Variants in PPIP5K1 observed in about 807,000 individuals in gnomAD.
PPIP5K1 encodes inositol hexakisphosphate and diphosphoinositol-pentakisphosphate kinase 1.
PPIP5K1 carries 6 observed loss-of-function variants against 27.7 expected under a neutral mutation model. That is an observed-to-expected ratio of 0.22 (90% CI 0.12 to 0.43). The LOEUF (loss-of-function observed/expected upper bound fraction) is 0.43, where lower values mean the gene tolerates loss of function less well. Among genes scored for constraint, PPIP5K1 ranks in the 20% least tolerant of loss-of-function variants. The pLI is 1.00. For missense variants in PPIP5K1, 394 were observed against 635.4 expected (o/e 0.62, Z 4.08); for synonymous variants, 145 against 242.6 (o/e 0.60, Z 3.74).
Position 43,539,590 on chromosome 15 carries a change from A to G in PPIP5K1, c.3557-7T>C. ...TGCATGGAATCAAAGAGGGCTGGAA[A>G]GGAGGTAGGGTGAAGGGAGAGGGAA... is the stretch of plus-strand genomic sequence containing the variant. On this transcript the variant is annotated splice_region_variant and splice_polypyrimidine_tract_variant and intron_variant, in intron 30 of 31. Transcript: ENST00000420765. 2 of 1,548,114 alleles carry G rather than the reference A, an allele frequency of 1.3e-6. No individual in the cohort carries two copies. Among genetic ancestry groups the G allele is most frequent in the Non-Finnish European group, 1.8e-6 (2 of 1,124,646 alleles).
At chr15:43,553,646 G>GTGTT (rs1555430999) in intron 30 of PPIP5K1, among the ~76,000 whole-genome samples, 3 of 131,366 alleles carry the variant, frequency 2.3e-5, no homozygotes, top group African/African-American at 2.8e-5. Flanking sequence ...TTTTCTGTGT[G>GTGTT]TTTTTTTTTT....
At chr15:43,579,653 A>ATTTT (rs1179725070) in intron 10 of PPIP5K1, among the ~76,000 whole-genome samples, 9 of 28,780 alleles carry the variant, frequency 3.1e-4, no homozygotes, top group Non-Finnish European at 3.0e-4. Flanking sequence ...ATATATATAT[A>ATTTT]TTTTTTTTTT....
intron 31 of PPIP5K1, chr15:43,537,402 AAAG>A (rs1395913388): frequency 2.9e-6 from 1 of 347,388 alleles, no homozygotes; most frequent in African/African-American, 2.2e-5. Flanking sequence ...TCAAGCAGAA[AAAG>A]AAGCCAGACG....
chr15:43,553,484 A>G (rs552411660), intron 30 of PPIP5K1, among the ~76,000 whole-genome samples: 6 of 152,248 alleles, frequency 3.9e-5, no homozygotes, highest in African/African-American at 1.4e-4. Context: ...CTGGGACTAC[A>G]GGCATGTGCC....
intron 30 of PPIP5K1, among the ~76,000 whole-genome samples, chr15:43,549,078 T>TATATATATATATATATAC (rs1471577993): frequency 8.5e-6 from 1 of 117,610 alleles, no homozygotes; most frequent in African/African-American, 3.3e-5. Flanking sequence ...TATATATATA[T>TATATATATATATATATAC]ATACATATAT....
chr15:43,541,013 C>T (rs949341234), intron 30 of PPIP5K1, among the ~76,000 whole-genome samples: 2 of 152,102 alleles, frequency 1.3e-5, no homozygotes, highest in African/African-American at 2.4e-5. Flanking sequence ...CCCAATTATT[C>T]CCCCAAATGT....
intron 30 of PPIP5K1, among the ~76,000 whole-genome samples, chr15:43,546,629 G>C (rs2081398734): frequency 7.3e-6 from 1 of 137,544 alleles, no homozygotes; most frequent in African/African-American, 2.6e-5. Flanking sequence ...ACATCTGTGT[G>C]TATTTGTTTG....
intron 31 of PPIP5K1, among the ~76,000 whole-genome samples, chr15:43,537,711 A>G (rs1567003510): frequency 3.1e-5 from 2 of 65,264 alleles, no homozygotes; most frequent in Non-Finnish European, 5.5e-5. Context: ...AAAAAAAGAG[A>G]GAGAGAGAGA....
At chr15:43,542,301 C>G (rs1394086864) in intron 30 of PPIP5K1, among the ~76,000 whole-genome samples, 159 of 122,964 alleles carry the variant, frequency 1.3e-3, no homozygotes, top group African/African-American at 2.5e-3. Context: ...TTAATTTTGG[C>G]GGGGGGGGGG....
chr15:43,551,605 A>ATTTTTTTTTTTTT (rs1567046997), intron 30 of PPIP5K1, among the ~76,000 whole-genome samples: 9 of 103,622 alleles, frequency 8.7e-5, no homozygotes, highest in Non-Finnish European at 1.3e-4. Context: ...TTCTTGATTC[A>ATTTTTTTTTTTTT]GTTTTTTTTT....
intron 30 of PPIP5K1, among the ~76,000 whole-genome samples, chr15:43,545,172 C>A (rs564966855): frequency 1.3e-4 from 19 of 148,694 alleles, no homozygotes; most frequent in African/African-American, 4.7e-4. Flanking sequence ...AGCAAGAGTC[C>A]GTCTCATAAA....
In PPIP5K1 at chr15:43,558,854, C is replaced by T; in HGVS notation, c.3497G>A (p.Ser1166Asn). 1 of 1,614,174 alleles carries T rather than the reference C, an allele frequency of 6.2e-7. No individual in the cohort carries two copies. Among genetic ancestry groups the T allele is most frequent in the Non-Finnish European group, 8.5e-7 (1 of 1,180,040 alleles). Residue 1166 changes from serine to asparagine, a missense_variant, in exon 30 of 32, where the codon AGT becomes AAT. Physicochemically the swap from Ser to Asn is conservative, Grantham distance 46. Transcript: ENST00000420765. ...LHNALSLRQV[S>N]EFLSRVCQRH... Reference sequence around the variant, plus strand: ...CTGGCAGACTCTACTCAAGAATTCACTCACTTGACGTAGGGAAAGGGCATT... The same window carrying T: ...CTGGCAGACTCTACTCAAGAATTCATTCACTTGACGTAGGGAAAGGGCATT...
rs2079531955 is a variant in PPIP5K1, at chr15:43,533,975, A to G, written c.*699T>C. On this transcript the variant is annotated 3_prime_UTR_variant, in exon 32 of 32. Transcript: ENST00000420765. The stretch of plus-strand genomic sequence containing the variant: ...GAGGCAGAAGGGGCACTTGGGGATG[A>G]TATGGAAGGATCTATAAGGCAAGTC... 6.6e-6 allele frequency: 1 copy of G among 152,172 alleles called. No homozygotes were observed. Among genetic ancestry groups the G allele is most frequent in the Non-Finnish European group, 1.5e-5 (1 of 68,054 alleles). The allele number at this position is 152,172 out of a possible 1,614,324, so 9.4% of individuals were successfully genotyped here.
Position 43,551,606 on chromosome 15 carries a change from G to GTTTTTTTTTTTTTT in PPIP5K1, c.3556+7175_3556+7188dup, listed in dbSNP as rs1293557795. ...TTTAGACTTTCTACTTCTTGATTCA[G>GTTTTTTTTTTTTTT]TTTTTTTTTTTTTTGAGACGGAGTC... On this transcript the variant is annotated intron_variant, in intron 30 of 31. Coordinates refer to ENST00000420765, the MANE Select transcript of PPIP5K1 (RefSeq NM_001394395.1). 8.4e-3 allele frequency among the ~76,000 whole-genome samples: 881 copies of GTTTTTTTTTTTTTT among 105,302 alleles called. 138 individuals are homozygous for GTTTTTTTTTTTTTT. The highest frequency in any genetic ancestry group is 0.023 in the African/African-American group (440 of 19,272). 69.1% of individuals were successfully genotyped at this position (105,302 alleles called of 152,430 possible). A position where few individuals can be genotyped will look rare whatever the true frequency, so the allele number is the denominator to read the frequency against.
rs369688520 is a variant in PPIP5K1 at position 43,543,381 on chromosome 15, G to A, written c.3557-3798C>T. On this transcript the variant is annotated intron_variant, in intron 30 of 31. Transcript: ENST00000420765. ...GTATACATATGTAACAAACCTGCACGTTGTACACATGTACCCTAAAACTTA... is the reference window on the plus strand; with the variant it reads ...GTATACATATGTAACAAACCTGCACATTGTACACATGTACCCTAAAACTTA... Among the ~76,000 whole-genome samples the A allele has an allele frequency of 5.3e-5, 8 of 150,808 alleles. No homozygotes were observed. The South Asian group carries it at 6.3e-4, about 12-fold the overall frequency.
chr15:43,537,126 G>C (rs1327338770), intron 31 of PPIP5K1, among the ~76,000 whole-genome samples: 6 of 151,418 alleles, frequency 4.0e-5, no homozygotes, highest in African/African-American at 1.5e-4. Flanking sequence ...CACAAGGTCA[G>C]GAGTTCGAGA....
chr15:43,551,228 T>C (rs1466966929), intron 30 of PPIP5K1, among the ~76,000 whole-genome samples: 1 of 152,134 alleles, frequency 6.6e-6, no homozygotes, highest in Non-Finnish European at 1.5e-5. Context: ...TTGTTACTAA[T>C]CTTTTTTGGC....
At position 43,535,098 on chromosome 15, in the gene PPIP5K1, T is replaced by C. The variant is rs1260089568; in HGVS notation, c.4049A>G (p.His1350Arg). 1.9e-6 allele frequency: 3 copies of C among 1,613,836 alleles called. No homozygotes were observed. The highest frequency in any genetic ancestry group is 3.3e-5 in the Admixed American group (2 of 59,974). ...PDISQQCQEN[H>R]DNGNHTCQEV... ...CTGGCATGTGTGGTTACCATTGTCA[T>C]GGTTCTCCTGGCATTGCTGGCTGAT... The change falls in exon 32 of 32, where the codon CAT becomes CGT. Residue 1350 changes from histidine (H) to arginine (R), a missense_variant. By Grantham distance (29) the His-to-Arg change is conservative. Around this residue, in one of 4 missense-constraint regions of PPIP5K1, gnomAD observed 379 missense variants for 423.9 expected, o/e 0.89. Coordinates refer to ENST00000420765, the MANE Select transcript of PPIP5K1 (RefSeq NM_001394395.1).
At position 43,534,495 on chromosome 15, in the gene PPIP5K1, G is replaced by A. The variant is rs1235333192; in HGVS notation, c.*179C>T. On this transcript the variant is annotated 3_prime_UTR_variant, in exon 32 of 32. Coordinates refer to ENST00000420765, the MANE Select transcript of PPIP5K1 (RefSeq NM_001394395.1). ...ACAGAAAAGGTTGCTGGCTCAAATG[G>A]CTGGTATAGTGTGATACCACTAATG... The A allele has an allele frequency of 7.3e-6, 4 of 546,748 alleles. No homozygotes were observed. Among genetic ancestry groups the A allele is most frequent in the African/African-American group, 5.7e-5 (3 of 52,658 alleles). 33.9% of individuals were successfully genotyped at this position (546,748 alleles called of 1,614,324 possible).
Sources: allele counts gnomAD v4.1 joint callset (sites outside exome capture counted in the v4.1 genomes callset), GRCh38; gene constraint gnomAD v4.1.1; regional missense constraint gnomAD v4.1.1; transcripts MANE v1.5; gene names NCBI Gene and HGNC (gene_info 2026-07-23, HGNC 2026-07-21).